MYO10: variants seen among roughly 807,000 people sequenced by gnomAD.
MYO10 encodes myosin X, also known as unconventional myosin-X.
In MYO10, 133 loss-of-function variants were observed where a neutral mutation model predicts 257.3. The observed-to-expected ratio is 0.52, with a 90% CI of 0.45 to 0.60. The LOEUF is 0.60. MYO10 is among the 20% of genes least tolerant of loss of function. The pLI is 0.00. For missense variants in MYO10, 2,399 were observed against 2,635.7 expected, an observed-to-expected ratio of 0.91 and a Z score of 1.97; for synonymous variants, 1,104 against 1,028.6, an observed-to-expected ratio of 1.07 and a Z score of -1.40.
chr5:16,733,688 A>G (rs939780545), intron 19 of MYO10, among the ~76,000 whole-genome samples: 9 of 152,200 alleles, frequency 5.9e-5, no homozygotes, highest in Non-Finnish European at 1.2e-4. Context: ...ATCACAGCCA[A>G]TATCTGTTAA....
intron 2 of MYO10, among the ~76,000 whole-genome samples, chr5:16,851,425 T>C (rs949346793): frequency 1.3e-5 from 2 of 152,174 alleles, no homozygotes; most frequent in African/African-American, 4.8e-5. Flanking sequence ...AATCAACACA[T>C]CTTTACAAAT....
chr5:16,740,197 A>C (rs569041227), intron 19 of MYO10, among the ~76,000 whole-genome samples: 1 of 152,182 alleles, frequency 6.6e-6, no homozygotes, highest in South Asian at 2.1e-4. Flanking sequence ...TGAGGGAGTG[A>C]CAGCTGGGAG....
intron 30 of MYO10, 72 bp downstream of exon 30, chr5:16,683,808 C>G (rs1737116677): frequency 1.3e-6 from 2 of 1,496,180 alleles, no homozygotes; most frequent in South Asian, 2.3e-5. Flanking sequence ...GGGTCGTGAC[C>G]CAGCAGCACA....
chr5:16,783,501 T>C, intron 4 of MYO10, 32 bp from the exon 5 acceptor site: 1 of 1,590,250 alleles, frequency 6.3e-7, no homozygotes, highest in Non-Finnish European at 8.5e-7. Flanking sequence ...TTTGTGCTTC[T>C]AACTATAATT....
At chr5:16,822,663 A>AT (rs200633647) in intron 2 of MYO10, among the ~76,000 whole-genome samples, 5 of 147,436 alleles carry the variant, frequency 3.4e-5, no homozygotes, top group Middle Eastern at 3.2e-3. Flanking sequence ...ATTTGGAAAT[A>AT]TTTTTTTTTC....
rs566583238 is a variant in MYO10, at chr5:16,900,305, C to A, written c.22-22598G>T. Among the ~76,000 whole-genome samples the A allele has an allele frequency of 4.6e-5, 7 of 152,294 alleles. No individual in the cohort carries two copies. In the South Asian group the frequency reaches 1.5e-3, roughly 32 times the overall value. ...AAAACTGCCCTCTCTGCCTCCCAACCATGCTCAGATAATTTCAACATGATC... is the reference window on the plus strand; with the variant it reads ...AAAACTGCCCTCTCTGCCTCCCAACAATGCTCAGATAATTTCAACATGATC... On this transcript the variant is annotated intron_variant, in intron 1 of 40. Transcript: ENST00000513610.
At chr5:16,781,526 T>C (rs1741423683) in intron 6 of MYO10, among the ~76,000 whole-genome samples, 179 bp downstream of exon 6, 1 of 152,214 alleles carries the variant, frequency 6.6e-6, no homozygotes, top group African/African-American at 2.4e-5. Flanking sequence ...ATGTACCATG[T>C]CCATCTCATA....
intron 2 of MYO10, among the ~76,000 whole-genome samples, chr5:16,826,179 A>AC (rs1742994915): frequency 6.6e-6 from 1 of 152,012 alleles, no homozygotes; most frequent in African/African-American, 2.4e-5. Context: ...TAAAAAAAAA[A>AC]ACACAACAAA....
In MYO10 at chr5:16,844,842, G is replaced by C. The variant is rs1036479382; in HGVS notation, c.121-26675C>G. On this transcript the variant is annotated intron_variant, in intron 2 of 40. Coordinates refer to ENST00000513610, the MANE Select transcript of MYO10 (RefSeq NM_012334.3). ...AGAAACCACTGCTAAGAAATGGGGT[G>C]GGGGGTGGGAGGCTGCTGTCCACCC... Among the ~76,000 whole-genome samples, 4 of 120,428 alleles carry C rather than the reference G, an allele frequency of 3.3e-5. No individual in the cohort carries two copies. The East Asian group carries it at 1.2e-3, about 37-fold the overall frequency. 79.0% of individuals were successfully genotyped at this position (120,428 alleles called of 152,430 possible). A position where few individuals can be genotyped will look rare whatever the true frequency, so the allele number is the denominator to read the frequency against.
chr5:16,762,721 T>C (rs376067312), intron 14 of MYO10, 84 bp from the exon 15 acceptor site: 5 of 1,044,346 alleles, frequency 4.8e-6, no homozygotes, highest in African/African-American at 3.2e-5. Context: ...TCCAGCACTT[T>C]GGGAAGCCAA....
chr5:16,758,944 CAG>C (rs1185447740), intron 17 of MYO10, among the ~76,000 whole-genome samples: 1 of 150,688 alleles, frequency 6.6e-6, no homozygotes, highest in Non-Finnish European at 1.5e-5. Context: ...TTTTTTTAGA[CAG>C]AGTTTCGCTC....
intron 3 of MYO10, 95 bp downstream of exon 3, chr5:16,817,914 G>T: frequency 1.8e-6 from 2 of 1,085,722 alleles, no homozygotes; most frequent in Non-Finnish European, 2.4e-6. Flanking sequence ...AGATTAACAA[G>T]AATTCTCAAA....
Position 16,702,529 on chromosome 5 carries a change from A to G in MYO10, c.2556+14T>C. ...TAGAAACACAAGAGGCTAAGTTGTC[A>G]CTGCACTCATTACCTGCTGGGCGCG... On this transcript the variant is annotated intron_variant, in intron 24 of 40. Coordinates refer to ENST00000513610, the MANE Select transcript of MYO10 (RefSeq NM_012334.3). 2.5e-6 allele frequency: 4 copies of G among 1,588,176 alleles called. No homozygotes were observed. Among genetic ancestry groups the G allele is most frequent in the Non-Finnish European group, 2.6e-6 (3 of 1,166,342 alleles).
chr5:16,812,771 T>C (rs1049977254), intron 3 of MYO10, among the ~76,000 whole-genome samples: 2 of 152,062 alleles, frequency 1.3e-5, no homozygotes, highest in African/African-American at 4.8e-5. Context: ...CTTTAAAACA[T>C]CCCTGTTAAG....
At chr5:16,851,677 C>A (rs536924371) in intron 2 of MYO10, among the ~76,000 whole-genome samples, 2 of 152,176 alleles carry the variant, frequency 1.3e-5, no homozygotes, top group African/African-American at 2.4e-5. Context: ...AAGTCCTCTG[C>A]GAAGATCAAA....
intron 2 of MYO10, among the ~76,000 whole-genome samples, chr5:16,872,376 AG>A (rs1284965944): frequency 6.6e-6 from 1 of 152,206 alleles, no homozygotes; most frequent in Non-Finnish European, 1.5e-5. Context: ...GCAGTTACCA[AG>A]GGCTAGAGGA....
intron 1 of MYO10, among the ~76,000 whole-genome samples, chr5:16,878,329 A>G (rs1744662398): frequency 6.6e-6 from 1 of 152,222 alleles, no homozygotes; most frequent in African/African-American, 2.4e-5. Context: ...AATATTTATC[A>G]GAACTCAGTC....
intron 19 of MYO10, 136 bp from the exon 20 acceptor site, chr5:16,711,381 A>G (rs529208334): frequency 2.1e-6 from 2 of 934,758 alleles, no homozygotes; most frequent in African/African-American, 3.3e-5. Flanking sequence ...CTACACAGAA[A>G]TAGAGACTAG....
At chr5:16,700,832 G>T (rs907636644) in intron 25 of MYO10, 131 bp downstream of exon 25, 4 of 1,150,042 alleles carry the variant, frequency 3.5e-6, no homozygotes, top group Non-Finnish European at 4.8e-6. Context: ...GGTTTAAGAT[G>T]ATCTCTAAGA....
Sources: allele counts gnomAD v4.1 joint callset (sites outside exome capture counted in the v4.1 genomes callset), GRCh38; gene constraint gnomAD v4.1.1; transcripts MANE v1.5; gene names NCBI Gene and HGNC (gene_info 2026-07-23, HGNC 2026-07-21).